The following ITPK1 variants were observed in gnomAD, a reference collection of about 807,000 sequenced individuals.
The protein encoded by ITPK1 is inositol-tetrakisphosphate 1-kinase, also known as inositol 1,3,4-trisphosphate 5/6-kinase.
Under a neutral mutation model 45.3 loss-of-function variants are expected in ITPK1, and 21 were observed. The ratio of observed to expected loss-of-function variants is 0.46; its 90% CI spans 0.33 to 0.67. The LOEUF is 0.67. Among genes scored for constraint, ITPK1 ranks in the 30% least tolerant of loss-of-function variants. The probability of loss-of-function intolerance (pLI) is 0.02; values close to 1 mark genes in which losing one functional copy is unlikely to be tolerated. For missense variants in ITPK1, 474 were observed against 573.5 expected, an observed-to-expected ratio of 0.83 and a Z score of 1.77; for synonymous variants, 258 against 253.6, an observed-to-expected ratio of 1.02 and a Z score of -0.16.
intron 5 of ITPK1, among the ~76,000 whole-genome samples, chr14:92,967,723 A>T (rs1281583433): frequency 6.6e-6 from 1 of 152,286 alleles, no homozygotes; most frequent in Non-Finnish European, 1.5e-5. Context: ...TTATTCAGCC[A>T]TGAAAAGGAA....
chr14:93,008,723 C>T (rs912189621), intron 4 of ITPK1, among the ~76,000 whole-genome samples: 8 of 152,220 alleles, frequency 5.3e-5, no homozygotes, highest in East Asian at 1.9e-4. Context: ...GGCTTTATCA[C>T]GGGCACACAG....
intron 9 of ITPK1, among the ~76,000 whole-genome samples, chr14:92,951,500 T>C (rs770158326): frequency 1.3e-5 from 2 of 152,132 alleles, no homozygotes; most frequent in Non-Finnish European, 2.9e-5. Flanking sequence ...CCGTTACCCA[T>C]AGTGCTGGGG....
intron 3 of ITPK1, chr14:93,066,440 T>C (rs1293671906): frequency 8.6e-6 from 3 of 349,682 alleles, no homozygotes; most frequent in African/African-American, 6.7e-5. Flanking sequence ...GGAGTCTTGC[T>C]CTGTCACAGG....
intron 2 of ITPK1, among the ~76,000 whole-genome samples, chr14:93,080,228 C>A (rs1891383031): frequency 6.6e-6 from 1 of 152,174 alleles, no homozygotes; most frequent in African/African-American, 2.4e-5. Flanking sequence ...ACAGAGTGAA[C>A]CTGAGGGCGC....
chr14:93,092,429 C>T (rs76005249), intron 2 of ITPK1, among the ~76,000 whole-genome samples: 2,828 of 152,272 alleles, frequency 0.019, 99 homozygotes, highest in African/African-American at 0.065. Context: ...CATGGCTACA[C>T]GGGCCTTGAC....
At chr14:92,944,161 C>T (rs569648789) in intron 10 of ITPK1, among the ~76,000 whole-genome samples, 1 of 152,194 alleles carries the variant, frequency 6.6e-6, no homozygotes, top group African/African-American at 2.4e-5. Flanking sequence ...GGGCCCTCTC[C>T]CAGGCCTCTC....
intron 4 of ITPK1, among the ~76,000 whole-genome samples, chr14:93,001,975 C>T (rs1595126406): frequency 6.6e-6 from 1 of 152,296 alleles, no homozygotes; most frequent in East Asian, 1.9e-4. Flanking sequence ...GGGTCACAGA[C>T]CTATACACCT....
intron 2 of ITPK1, among the ~76,000 whole-genome samples, chr14:93,079,054 C>T (rs991725855): frequency 6.6e-6 from 1 of 152,128 alleles, no homozygotes; most frequent in Non-Finnish European, 1.5e-5. Context: ...CAGCGTGTGA[C>T]TCTCCTCTCT....
intron 4 of ITPK1, among the ~76,000 whole-genome samples, chr14:93,006,145 A>C (rs1030155293): frequency 1.1e-4 from 17 of 152,204 alleles, no homozygotes; most frequent in Non-Finnish European, 2.5e-4. Flanking sequence ...AGAGCCGAGC[A>C]GTGGTGCGCA....
intron 4 of ITPK1, among the ~76,000 whole-genome samples, chr14:92,999,101 C>A (rs943908277): frequency 2.6e-5 from 4 of 152,230 alleles, no homozygotes; most frequent in African/African-American, 4.8e-5. Flanking sequence ...AAACTGGAAA[C>A]CTCTGTGAGT....
chr14:93,046,839 C>T (rs1371234207), intron 3 of ITPK1, among the ~76,000 whole-genome samples: 1 of 152,220 alleles, frequency 6.6e-6, no homozygotes, highest in Non-Finnish European at 1.5e-5. Flanking sequence ...CCATCAGAAG[C>T]TCTGCTCGGT....
At chr14:93,038,486 CT>C (rs2139905612) in intron 3 of ITPK1, among the ~76,000 whole-genome samples, 1 of 152,292 alleles carries the variant, frequency 6.6e-6, no homozygotes, top group African/African-American at 2.4e-5. Flanking sequence ...CATATACTCT[CT>C]TTTGGAAGGG....
Position 93,032,350 on chromosome 14 carries a change from A to AAATAAT in ITPK1, c.121-15555_121-15550dup, listed in dbSNP as rs10675965. Among the ~76,000 whole-genome samples the AAATAAT allele has an allele frequency of 0.33, 48,877 of 150,010 alleles. 8,338 individuals carry two copies. The highest frequency in any genetic ancestry group is 0.38 in the East Asian group (1,949 of 5,096). ...GGGCGACAGAGCGAGACTCCATCTC[A>AAATAAT]AATAATAATAATAATAATAATAAAG... On this transcript the variant is annotated intron_variant, in intron 3 of 10. Transcript: ENST00000267615. This position sits in a 1 kb window ranked among gnomAD's most constrained non-coding sequence, Gnocchi z 4.0.
At chr14:93,044,699 C>A (rs1263599428) in intron 3 of ITPK1, among the ~76,000 whole-genome samples, 1 of 152,012 alleles carries the variant, frequency 6.6e-6, no homozygotes, top group East Asian at 1.9e-4. Context: ...GGACAGTGGC[C>A]CAGCGGACAG....
rs536438267 is a variant in ITPK1 at position 92,937,667 on chromosome 14, G to A, written c.*3894C>T. 1 of 152,626 alleles carries A rather than the reference G, an allele frequency of 6.6e-6. No individual in the cohort carries two copies. Among genetic ancestry groups the A allele is most frequent in the African/African-American group, 2.4e-5 (1 of 41,584 alleles). 9.5% of individuals were successfully genotyped at this position (152,626 alleles called of 1,614,324 possible). On this transcript the variant is annotated 3_prime_UTR_variant, in exon 11 of 11. Transcript: ENST00000267615. The stretch of plus-strand genomic sequence containing the variant: ...ACAGCACAGACCCTTTCTCACAAGG[G>A]GAGGACCCATGGGAGAAGCCTCGCC...
Position 92,957,876 on chromosome 14 carries a change from C to A in ITPK1, c.670+325G>T, listed in dbSNP as rs150304155. The stretch of plus-strand genomic sequence containing the variant: ...TCCACGCCATGCTGGCCACACCTGT[C>A]CCAGCGTGTTCCTCCATGAATATCA... On this transcript the variant is annotated intron_variant, in intron 8 of 10. Coordinates refer to ENST00000267615, the MANE Select transcript of ITPK1 (RefSeq NM_014216.6). Among the ~76,000 whole-genome samples, 816 of 152,336 alleles carry A rather than the reference C, an allele frequency of 5.4e-3. 6 individuals are homozygous for A. The highest frequency in any genetic ancestry group is 0.019 in the African/African-American group (781 of 41,578).
In ITPK1 at chr14:93,096,743, C is replaced by T. The variant is rs12101177; in HGVS notation, c.95+18326G>A. On this transcript the variant is annotated intron_variant, in intron 2 of 10. Transcript: ENST00000267615. Reference sequence around the variant, plus strand: ...TGGAATGTTCAAGAATGTAGGGGCTCGAATGTTCTAGAATGTAGGGGCTCC... The same window carrying T: ...TGGAATGTTCAAGAATGTAGGGGCTTGAATGTTCTAGAATGTAGGGGCTCC... Among the ~76,000 whole-genome samples the T allele has an allele frequency of 7.7e-3, 1,176 of 152,190 alleles. 16 individuals carry two copies. The highest frequency in any genetic ancestry group is 0.027 in the African/African-American group (1,111 of 41,494).
At chr14:93,098,609 TTTC>T (rs1892184182) in intron 2 of ITPK1, among the ~76,000 whole-genome samples, 1 of 152,078 alleles carries the variant, frequency 6.6e-6, no homozygotes, top group African/African-American at 2.4e-5. Context: ...CCCAAACTCA[TTTC>T]CCAGAGCCTT....
chr14:93,013,766 T>C (rs1354242193), intron 4 of ITPK1, among the ~76,000 whole-genome samples: 1 of 152,136 alleles, frequency 6.6e-6, no homozygotes, highest in Non-Finnish European at 1.5e-5. Flanking sequence ...CTTGTTAATG[T>C]CTAGAGAATA....
Sources: gnomAD v4.1 joint callset for allele counts (sites outside exome capture counted in the v4.1 genomes callset) on GRCh38, gnomAD v4.1.1 for gene constraint, Gnocchi (gnomAD v3.1) non-coding constraint, MANE v1.5 for transcripts, NCBI Gene and HGNC (gene_info 2026-07-23, HGNC 2026-07-21) for gene names.